The following LINC00632 variants were observed in gnomAD, a reference collection of about 807,000 sequenced individuals.
LINC00632 encodes the protein ALDOA related specific transcript.
intron 2 of LINC00632, among the ~76,000 whole-genome samples, chrX:140,721,539 T>C (rs906368239): frequency 9.0e-6 from 1 of 111,088 alleles, no homozygotes; most frequent in African/African-American, 3.3e-5. Flanking sequence ...TCTAATGCTG[T>C]AGCTGATCTG....
intron 2 of LINC00632, among the ~76,000 whole-genome samples, chrX:140,725,203 A>G (rs1930926889): frequency 1.2e-5 from 1 of 84,788 alleles, no homozygotes; most frequent in Non-Finnish European, 2.3e-5. Flanking sequence ...ACACACACAA[A>G]CACATTCCGT....
At chrX:140,742,870 A>AGT (rs1931250778) in intron 3 of LINC00632, among the ~76,000 whole-genome samples, 1 of 95,535 alleles carries the variant, frequency 1.0e-5, no homozygotes, top group African/African-American at 4.0e-5. Flanking sequence ...AGAGAGAGAG[A>AGT]GAGAGAGAGG....
chrX:140,779,474 C>T (rs1035471018), exon 5 of LINC00632, among the ~76,000 whole-genome samples: 4 of 111,627 alleles, frequency 3.6e-5, no homozygotes, highest in African/African-American at 6.5e-5. Flanking sequence ...TAAAAGCTTG[C>T]GTGAACAAGG....
intron 3 of LINC00632, among the ~76,000 whole-genome samples, chrX:140,764,246 C>T (rs974568918): frequency 1.8e-5 from 2 of 109,032 alleles, no homozygotes; most frequent in African/African-American, 6.7e-5. Flanking sequence ...CCCTTATGAT[C>T]GAATCCATCC....
At chrX:140,767,692 G>C (rs886469784) in intron 3 of LINC00632, among the ~76,000 whole-genome samples, 2 of 111,912 alleles carry the variant, frequency 1.8e-5, no homozygotes, top group Non-Finnish European at 1.9e-5. Flanking sequence ...CAGTGAGACA[G>C]AACCAATGGG....
chrX:140,751,800 C>T (rs1436842357), intron 3 of LINC00632, among the ~76,000 whole-genome samples: 1 of 111,452 alleles, frequency 9.0e-6, no homozygotes, highest in African/African-American at 3.3e-5. Flanking sequence ...TTACAAAGCC[C>T]GTTATTCAGT....
intron 3 of LINC00632, among the ~76,000 whole-genome samples, chrX:140,747,835 G>GT (rs1414550063): frequency 9.0e-6 from 1 of 111,287 alleles, no homozygotes; most frequent in Admixed American, 9.6e-5. Context: ...TTGTCCAACA[G>GT]TTTTTTTCTG....
intron 2 of LINC00632, among the ~76,000 whole-genome samples, chrX:140,724,227 TACAC>T (rs1338804117): frequency 3.2e-5 from 2 of 63,351 alleles, no homozygotes; most frequent in Admixed American, 1.9e-4. Flanking sequence ...ACACATTCCA[TACAC>T]ACACAGACAC....
At chrX:140,725,352 TC>T (rs1369513500) in intron 2 of LINC00632, among the ~76,000 whole-genome samples, 4 of 66,292 alleles carry the variant, frequency 6.0e-5, no homozygotes, top group African/African-American at 2.4e-4. Context: ...ACAAACACAT[TC>T]CATACACACA....
At chrX:140,731,516 A>G (rs775454284) in intron 2 of LINC00632, among the ~76,000 whole-genome samples, 2 of 111,536 alleles carry the variant, frequency 1.8e-5, no homozygotes, top group African/African-American at 3.3e-5. Flanking sequence ...TAATTCACCA[A>G]TCTTCAGCTC....
At chrX:140,746,879 G>C (rs1040495646) in intron 3 of LINC00632, among the ~76,000 whole-genome samples, 11 of 111,596 alleles carry the variant, frequency 9.9e-5, no homozygotes, top group Non-Finnish European at 1.9e-4. Context: ...TCCTGAGACT[G>C]GAGCTCCTGC....
intron 3 of LINC00632, among the ~76,000 whole-genome samples, chrX:140,768,966 A>G (rs1306017942): frequency 9.3e-6 from 1 of 107,754 alleles, no homozygotes; most frequent in African/African-American, 3.4e-5. Context: ...GAGATTCCAT[A>G]GATAGAAAGG....
At chrX:140,724,878 CACACACATTCCAT>C (rs1420838515) in intron 2 of LINC00632, among the ~76,000 whole-genome samples, 3 of 95,378 alleles carry the variant, frequency 3.1e-5, no homozygotes, top group African/African-American at 8.8e-5. Context: ...ACATTCCATA[CACACACATTCCAT>C]ACACACACAC....
At chrX:140,765,875 G>A (rs781703507) in intron 3 of LINC00632, among the ~76,000 whole-genome samples, 1 of 111,931 alleles carries the variant, frequency 8.9e-6, no homozygotes, top group African/African-American at 3.2e-5. Flanking sequence ...TTTGTCTTAT[G>A]CGGGCCAGTG....
intron 3 of LINC00632, among the ~76,000 whole-genome samples, chrX:140,759,339 TCC>T (rs1232116410): frequency 2.2e-4 from 12 of 53,775 alleles, no homozygotes; most frequent in East Asian, 7.9e-4. Flanking sequence ...CTTCCTTCCT[TCC>T]TTCCTTTCTT....
rs762739523 is a variant in LINC00632 at position 140,733,538 on chromosome X, C to T, written n.105-340C>T. ...TTTGAAGATGTAGTGAAATGAAGGG[C>T]TTAGCCCAGTGCTTAGAATGTCATA... On this transcript the variant is annotated intron_variant and non_coding_transcript_variant, in intron 2 of 4. Coordinates refer to ENST00000648200, the Ensembl canonical transcript of LINC00632. 2.2e-3 allele frequency among the ~76,000 whole-genome samples: 249 copies of T among 112,122 alleles called. 2 individuals carry two copies. Among genetic ancestry groups the T allele is most frequent in the African/African-American group, 7.9e-3 (244 of 30,969 alleles).
exon 5 of LINC00632, among the ~76,000 whole-genome samples, chrX:140,786,439 C>T (rs5954095): frequency 0.019 from 2,138 of 111,407 alleles, 55 homozygotes; most frequent in African/African-American, 0.065. Context: ...TATTGTGACT[C>T]TGAAGAATCT....
intron 3 of LINC00632, among the ~76,000 whole-genome samples, chrX:140,742,122 T>TAGACTG (rs1315997886): frequency 9.0e-6 from 1 of 111,610 alleles, no homozygotes; most frequent in Non-Finnish European, 1.9e-5. Context: ...TTACAGTAAA[T>TAGACTG]AGACTGAATA....
At chrX:140,759,340 C>T (rs182119921) in intron 3 of LINC00632, among the ~76,000 whole-genome samples, 507 of 34,175 alleles carry the variant, frequency 0.015, 3 homozygotes, top group Middle Eastern at 0.032. Context: ...TTCCTTCCTT[C>T]CTTCCTTTCT....
Sources: gnomAD v4.1 joint callset for allele counts (sites outside exome capture counted in the v4.1 genomes callset) on GRCh38, gnomAD v4.1.1 for gene constraint, MANE v1.5 for transcripts, NCBI Gene and HGNC (gene_info 2026-07-23, HGNC 2026-07-21) for gene names.